The following JMJD1C variants were observed in gnomAD, a reference collection of about 807,000 sequenced individuals.
The protein encoded by JMJD1C is jumonji domain containing 1C.
JMJD1C carries 31 observed loss-of-function variants against 245.3 expected under a neutral mutation model. That is an observed-to-expected ratio of 0.13 (90% CI 0.09 to 0.17). The LOEUF (loss-of-function observed/expected upper bound fraction) is 0.17. Among genes scored for constraint, JMJD1C ranks in the 10% least tolerant of loss-of-function variants. The pLI is 1.00. For missense variants in JMJD1C, 2,691 were observed against 3,000.2 expected (o/e 0.90, Z 2.41); for synonymous variants, 1,057 against 1,017.4 (o/e 1.04, Z -0.74).
At chr10:63,430,836 T>C (rs1950702481) in intron 1 of JMJD1C, among the ~76,000 whole-genome samples, 2 of 152,176 alleles carry the variant, frequency 1.3e-5, no homozygotes, top group Admixed American at 1.3e-4. Flanking sequence ...CTGGAATTCC[T>C]GGGCTCATGA....
At chr10:63,490,397 CA>C (rs1401123932) in intron 1 of JMJD1C, among the ~76,000 whole-genome samples, 1 of 150,876 alleles carries the variant, frequency 6.6e-6, no homozygotes, top group East Asian at 1.9e-4. Context: ...GCACTTAGCA[CA>C]ATCTATAATT....
chr10:63,471,420 A>C (rs1953489307), intron 1 of JMJD1C, among the ~76,000 whole-genome samples: 1 of 152,206 alleles, frequency 6.6e-6, no homozygotes, highest in Non-Finnish European at 1.5e-5. Context: ...GAAATTTATA[A>C]TCAAGAACAC....
intron 1 of JMJD1C, among the ~76,000 whole-genome samples, chr10:63,503,872 C>T (rs1431303380): frequency 6.6e-6 from 1 of 152,166 alleles, no homozygotes; most frequent in Non-Finnish European, 1.5e-5. Flanking sequence ...ATTGAGTCTC[C>T]ATCCTAGCCT....
At chr10:63,192,419 C>G (rs1169797085) in intron 16 of JMJD1C, among the ~76,000 whole-genome samples, 1 of 151,788 alleles carries the variant, frequency 6.6e-6, no homozygotes, top group Non-Finnish European at 1.5e-5. Flanking sequence ...AAAATATACA[C>G]TAGCTGGGCA....
chr10:63,479,194 G>A (rs559537312), intron 1 of JMJD1C, among the ~76,000 whole-genome samples: 1 of 150,810 alleles, frequency 6.6e-6, no homozygotes, highest in Non-Finnish European at 1.5e-5. Flanking sequence ...AACTTAATGA[G>A]AGAGAGAAAA....
At chr10:63,225,406 G>A (rs1849142044) in intron 3 of JMJD1C, among the ~76,000 whole-genome samples, 1 of 152,174 alleles carries the variant, frequency 6.6e-6, no homozygotes, top group South Asian at 2.1e-4. Context: ...TCAGTCACTT[G>A]TGTGTTGTTC....
In JMJD1C at chr10:63,385,852, A is replaced by G. The variant is rs571684027; in HGVS notation, c.169-5370T>C. Among the ~76,000 whole-genome samples, 5 of 152,304 alleles carry G rather than the reference A, an allele frequency of 3.3e-5. No homozygotes were observed. In the South Asian group the frequency reaches 1.0e-3, roughly 32 times the overall value. On this transcript the variant is annotated intron_variant, in intron 1 of 25. Coordinates refer to ENST00000399262, the MANE Select transcript of JMJD1C (RefSeq NM_032776.3). ...TATATATAGGTTTGTATAACCCAGG[A>G]TACTCCAGATCCTGATTTGAACAGT...
intron 22 of JMJD1C, among the ~76,000 whole-genome samples, chr10:63,178,473 T>TA (rs1843071633): frequency 6.6e-6 from 1 of 152,304 alleles, no homozygotes; most frequent in South Asian, 2.1e-4. Context: ...TTTCCTAACT[T>TA]ACAAAGGTCT....
chr10:63,248,696 T>A (rs1038818486), intron 3 of JMJD1C, among the ~76,000 whole-genome samples: 1 of 152,072 alleles, frequency 6.6e-6, no homozygotes, highest in Admixed American at 6.6e-5. Context: ...ACTAAAAATA[T>A]AACTATGATC....
intron 2 of JMJD1C, among the ~76,000 whole-genome samples, chr10:63,265,804 A>C (rs1855496319): frequency 6.6e-6 from 1 of 152,216 alleles, no homozygotes; most frequent in South Asian, 2.1e-4. Context: ...ATTTGTGTTA[A>C]TATTTCCACA....
chr10:63,397,217 A>C (rs1477820619), intron 1 of JMJD1C, among the ~76,000 whole-genome samples: 1 of 151,906 alleles, frequency 6.6e-6, no homozygotes, highest in African/African-American at 2.4e-5. Context: ...TCTTTATTTT[A>C]TTTTATTTTA....
At chr10:63,222,633 T>C (rs1339947117) in intron 3 of JMJD1C, 5 of 1,574,208 alleles carry the variant, frequency 3.2e-6, no homozygotes, top group Non-Finnish European at 4.4e-6. Flanking sequence ...TTTTTGGACA[T>C]AATTAAAAGA....
chr10:63,476,330 A>G (rs1953660290), intron 1 of JMJD1C, among the ~76,000 whole-genome samples: 1 of 151,696 alleles, frequency 6.6e-6, no homozygotes, highest in African/African-American at 2.4e-5. Flanking sequence ...ATCAACTCCA[A>G]GCAAGACTAA....
chr10:63,400,634 C>T (rs951684685), intron 1 of JMJD1C, among the ~76,000 whole-genome samples: 3 of 152,096 alleles, frequency 2.0e-5, no homozygotes, highest in Non-Finnish European at 4.4e-5. Context: ...ACAACCTTGG[C>T]TCACTGCAAC....
intron 2 of JMJD1C, among the ~76,000 whole-genome samples, chr10:63,377,328 G>GT (rs1448258088): frequency 2.0e-5 from 3 of 152,116 alleles, no homozygotes; most frequent in African/African-American, 7.2e-5. Flanking sequence ...GACAATAGTG[G>GT]TAACACACAA....
intron 1 of JMJD1C, among the ~76,000 whole-genome samples, chr10:63,486,157 AAAAAAAAAAAAC>A (rs1394498038): frequency 1.5e-4 from 7 of 47,330 alleles, no homozygotes; most frequent in African/African-American, 3.2e-4. Context: ...AAAAAAAAAA[AAAAAAAAAAAAC>A]AAAAAACAGA....
chr10:63,496,552 A>G (rs1589829212), intron 1 of JMJD1C, among the ~76,000 whole-genome samples: 1 of 152,252 alleles, frequency 6.6e-6, no homozygotes, highest in Non-Finnish European at 1.5e-5. Flanking sequence ...GAATTCAGAG[A>G]CATGGAGCTC....
intron 4 of JMJD1C, among the ~76,000 whole-genome samples, chr10:63,219,454 A>C (rs1307035659): frequency 1.3e-5 from 2 of 152,196 alleles, no homozygotes; most frequent in African/African-American, 4.8e-5. Context: ...TAAACAAAGG[A>C]AACAAAAGAC....
At chr10:63,494,857 A>G (rs76939562) in intron 1 of JMJD1C, among the ~76,000 whole-genome samples, 3,518 of 152,296 alleles carry the variant, frequency 0.023, 57 homozygotes, top group Non-Finnish European at 0.039. Flanking sequence ...GCATACCACA[A>G]TATGATCTGA....
Sources: gnomAD v4.1 joint callset for allele counts (sites outside exome capture counted in the v4.1 genomes callset) on GRCh38, gnomAD v4.1.1 for gene constraint, MANE v1.5 for transcripts, NCBI Gene and HGNC (gene_info 2026-07-23, HGNC 2026-07-21) for gene names.